SLC4A1: variants seen among roughly 807,000 people sequenced by gnomAD.
SLC4A1 encodes the protein band 3 anion transport protein.
Under a neutral mutation model 93.1 loss-of-function variants are expected in SLC4A1, and 29 were observed. That is an observed-to-expected ratio of 0.31 (90% confidence interval 0.23 to 0.42). The LOEUF (loss-of-function observed/expected upper bound fraction) is 0.42. SLC4A1 is among the 20% of genes least tolerant of loss of function. The pLI is 1.00. For missense variants in SLC4A1, 965 were observed against 1,190.1 expected, an observed-to-expected ratio of 0.81 and a Z score of 2.78; for synonymous variants, 469 against 497.2, an observed-to-expected ratio of 0.94 and a Z score of 0.76.
At chr17:44,263,872 G>A (rs946811609) in intron 1 of SLC4A1, among the ~76,000 whole-genome samples, 6 of 151,542 alleles carry the variant, frequency 4.0e-5, no homozygotes, top group Non-Finnish European at 8.8e-5. Context: ...TGGGCCCCAG[G>A]GATCCTCCTG....
Position 44,258,656 on chromosome 17 carries a change from G to T in SLC4A1, c.877-33C>A. Reference sequence around the variant, plus strand: ...CAGGAGACAGGGTCAGAGCTGCCCGGACCTGCGGAGGGAAAGGACCCAGGA... The same window carrying T: ...CAGGAGACAGGGTCAGAGCTGCCCGTACCTGCGGAGGGAAAGGACCCAGGA... On this transcript the variant is annotated intron_variant, in intron 9 of 19. Transcript: ENST00000262418. The surrounding 1 kb of genome is among the most constrained non-coding windows in gnomAD (Gnocchi z 6.1). 6.4e-7 allele frequency: 1 copy of T among 1,551,698 alleles called. No individual in the cohort carries two copies. Among genetic ancestry groups the T allele is most frequent in the South Asian group, 1.2e-5 (1 of 85,262 alleles).
Position 44,262,917 on chromosome 17 carries a change from A to G in SLC4A1, c.-51T>C, listed in dbSNP as rs537730648. On this transcript the variant is annotated 5_prime_UTR_variant, in exon 2 of 20. Transcript: ENST00000262418. ...CTACGGTGATCTGAGCCCCCAGCATAACCCGCACCGCGGGTCCCTGCAGCA... is the reference window on the plus strand; with the variant it reads ...CTACGGTGATCTGAGCCCCCAGCATGACCCGCACCGCGGGTCCCTGCAGCA... 18 of 1,613,476 alleles carry G rather than the reference A, an allele frequency of 1.1e-5. No homozygotes were observed. In the South Asian group the frequency reaches 2.0e-4, roughly 18 times the overall value.
chr17:44,248,920 T>C lies in SLC4A1; in HGVS notation c.*1538A>G, dbSNP rs1441081934. 1 of 228,226 alleles carries C rather than the reference T, an allele frequency of 4.4e-6. No homozygotes were observed. The highest frequency in any genetic ancestry group is 8.3e-6 in the Non-Finnish European group (1 of 120,292). 14.1% of individuals were successfully genotyped at this position (228,226 alleles called of 1,614,324 possible). ...TGTTGCCCAGGCTGGAGTGCAGTGG[T>C]GCAATCTTGGCTCACTGCAACCTCC... On this transcript the variant is annotated 3_prime_UTR_variant, in exon 20 of 20. Transcript: ENST00000262418.
rs375136281 is a variant in SLC4A1, at chr17:44,254,498, G to A, written c.2055C>T (p.Thr685=). The change falls in exon 16 of 20, where the codon ACC becomes ACT. Residue 685 remains threonine, a splice_region_variant and synonymous_variant. Coordinates refer to ENST00000262418, the MANE Select transcript of SLC4A1 (RefSeq NM_000342.4). ...CCAGCCCCCACCCTGTCTCTCACGT[G>A]GTGATCTGAGACTCCAGGAATATGA... The part of the protein sequence containing the change: ...FILIFLESQI[T]TLIVSKPERK... 28 of 1,583,268 alleles carry A rather than the reference G, an allele frequency of 1.8e-5. No individual in the cohort carries two copies. Among genetic ancestry groups the A allele is most frequent in the East Asian group, 6.8e-5 (3 of 43,934 alleles).
chr17:44,261,376 G>T (rs1258263090), intron 4 of SLC4A1, among the ~76,000 whole-genome samples, 199 bp downstream of exon 4: 1 of 152,220 alleles, frequency 6.6e-6, no homozygotes, highest in Admixed American at 6.5e-5. Flanking sequence ...TCTGCCCAGG[G>T]TGCTCCTGGA....
At chr17:44,255,978 TC>T in intron 13 of SLC4A1, 132 bp from the exon 14 acceptor site, 4 of 842,234 alleles carry the variant, frequency 4.7e-6, no homozygotes, top group South Asian at 4.1e-5. Context: ...CATCCATTTA[TC>T]CACCCATCCA....
intron 5 of SLC4A1, 34 bp downstream of exon 5, chr17:44,260,601 C>G: frequency 1.9e-6 from 3 of 1,614,176 alleles, no homozygotes; most frequent in Non-Finnish European, 2.5e-6. Flanking sequence ...CAATCCTCAT[C>G]TGCAGGGGGT....
Position 44,249,277 on chromosome 17 carries a change from T to G in SLC4A1, c.*1181A>C. 1 of 432,068 alleles carries G rather than the reference T, an allele frequency of 2.3e-6. No homozygotes were observed. Among genetic ancestry groups the G allele is most frequent in the Non-Finnish European group, 4.6e-6 (1 of 216,180 alleles). 26.8% of individuals were successfully genotyped at this position (432,068 alleles called of 1,614,324 possible). On this transcript the variant is annotated 3_prime_UTR_variant, in exon 20 of 20. Transcript: ENST00000262418. ...TAAAAAAATAAATTTGCCCATGTTCTTGGAGAGCCTGCTGTCTCCTACCCC... is the reference window on the plus strand; with the variant it reads ...TAAAAAAATAAATTTGCCCATGTTCGTGGAGAGCCTGCTGTCTCCTACCCC...
chr17:44,265,134 G>T (rs1391790243), intron 1 of SLC4A1, among the ~76,000 whole-genome samples: 2 of 150,364 alleles, frequency 1.3e-5, no homozygotes, highest in African/African-American at 2.5e-5. Flanking sequence ...CTGGTGGGAG[G>T]GGGTGCTGAG....
chr17:44,262,512 G>C lies in SLC4A1; in HGVS notation c.106+124C>G, dbSNP rs1447575862. 3 of 712,188 alleles carry C rather than the reference G, an allele frequency of 4.2e-6. No homozygotes were observed. The East Asian group carries it at 8.1e-5, about 19-fold the overall frequency. 44.1% of individuals were successfully genotyped at this position (712,188 alleles called of 1,614,324 possible). ...GTTTATCCTTCAATCAGCCAGAATT[G>C]AGGGGAGAACGGCCCGTGGTGCTTG... On this transcript the variant is annotated intron_variant, in intron 3 of 19. Coordinates refer to ENST00000262418, the MANE Select transcript of SLC4A1 (RefSeq NM_000342.4).
intron 2 of SLC4A1, 21 bp downstream of exon 2, chr17:44,262,831 C>G (rs756292696): frequency 3.0e-5 from 48 of 1,613,150 alleles, no homozygotes; most frequent in Middle Eastern, 3.3e-4. Context: ...GGGAGCACTG[C>G]TGATGCCAGG....
chr17:44,265,319 G>A (rs1209742222), intron 1 of SLC4A1, among the ~76,000 whole-genome samples: 1 of 152,116 alleles, frequency 6.6e-6, no homozygotes, highest in East Asian at 1.9e-4. Flanking sequence ...GCAGCACTCG[G>A]GGGTGGAGTC....
Position 44,255,303 on chromosome 17 carries a change from G to A in SLC4A1, c.1801-7C>T. The A allele has an allele frequency of 1.3e-6, 2 of 1,551,456 alleles. No individual in the cohort carries two copies. The highest frequency in any genetic ancestry group is 1.7e-6 in the Non-Finnish European group (2 of 1,146,292). ...CCCCGATGACCCGACGCAGCTGGGG[G>A]CAGGTGAAAGGACCAGTGGTCAGTG... On this transcript the variant is annotated splice_region_variant and splice_polypyrimidine_tract_variant and intron_variant, in intron 14 of 19. Coordinates refer to ENST00000262418, the MANE Select transcript of SLC4A1 (RefSeq NM_000342.4).
At position 44,250,421 on chromosome 17, in the gene SLC4A1, G is replaced by C; in HGVS notation, c.*37C>G. On this transcript the variant is annotated 3_prime_UTR_variant, in exon 20 of 20. Coordinates refer to ENST00000262418, the MANE Select transcript of SLC4A1 (RefSeq NM_000342.4). ...CTTTTCCTTGGAAGGTGGGGATGTG[G>C]AATGGTGGGGGAGGGTCTAGGGCCT... is the stretch of plus-strand genomic sequence containing the variant. 4.6e-6 allele frequency: 7 copies of C among 1,522,330 alleles called. No individual in the cohort carries two copies. Among genetic ancestry groups the C allele is most frequent in the Non-Finnish European group, 6.4e-6 (7 of 1,096,964 alleles). The allele number at this position is 1,522,330 out of a possible 1,614,324, so 94.3% of individuals were successfully genotyped here.
Position 44,259,179 on chromosome 17 carries a change from G to T in SLC4A1, c.860C>A (p.Thr287Asn), listed in dbSNP as rs1285629503. The T allele has an allele frequency of 6.2e-7, 1 of 1,614,026 alleles. No homozygotes were observed. The highest frequency in any genetic ancestry group is 1.1e-5 in the South Asian group (1 of 91,076). ...CTTCCTTACCCTCTCTGACATGAGG[G>T]TGGCAGCAGCCCGGCCAAGCTGGGT... ...DYTQLGRAAA[T>N]LMSERVFRID... Residue 287 changes from threonine to asparagine, a missense_variant, in exon 9 of 20, where the codon ACC becomes AAC. Thr to Asn is a moderately conservative substitution (Grantham distance 65, BLOSUM62 0). This residue lies in a region of SLC4A1 where 770 missense variants were observed against 1,006.6 expected (regional missense o/e 0.76). Transcript: ENST00000262418.
rs760578317 is a variant in SLC4A1, at chr17:44,255,247, A to G, written c.1850T>C (p.Met617Thr). ...CTGAATGAAGAAATCCACCAGGACC[A>G]TGATCAGGATGGAGATGGGGACCCC... ...DFGVPISILI[M>T]VLVDFFIQDT... is the part of the protein sequence containing the mutation. Residue 617 changes from methionine to threonine, a missense_variant, in exon 15 of 20, where the codon ATG becomes ACG. Around this residue, in one of 2 missense-constraint regions of SLC4A1, gnomAD observed 770 missense variants for 1,006.6 expected, o/e 0.76. Transcript: ENST00000262418. 1.3e-6 allele frequency: 2 copies of G among 1,558,590 alleles called. No individual in the cohort carries two copies. Among genetic ancestry groups the G allele is most frequent in the South Asian group, 1.2e-5 (1 of 84,564 alleles).
chr17:44,261,040 G>A (rs747028492), intron 4 of SLC4A1, among the ~76,000 whole-genome samples: 3 of 152,158 alleles, frequency 2.0e-5, no homozygotes, highest in Non-Finnish European at 2.9e-5. Context: ...TGCTGGAGAG[G>A]CCACTGGGGA....
At chr17:44,263,760 C>T (rs2047472285) in intron 1 of SLC4A1, among the ~76,000 whole-genome samples, 2 of 150,134 alleles carry the variant, frequency 1.3e-5, no homozygotes, top group South Asian at 4.2e-4. Context: ...TTCCTTCCTT[C>T]CTTCCTCTCT....
intron 16 of SLC4A1, 31 bp downstream of exon 16, chr17:44,254,463 CCT>C: frequency 6.1e-6 from 8 of 1,318,268 alleles, no homozygotes; most frequent in Non-Finnish European, 7.6e-6. Context: ...TGCCTCCCAC[CCT>C]CCCAGGCCCA....
Sources: gnomAD v4.1 joint callset for allele counts (sites outside exome capture counted in the v4.1 genomes callset) on GRCh38, gnomAD v4.1.1 for gene constraint, gnomAD v4.1.1 regional missense constraint, Gnocchi (gnomAD v3.1) non-coding constraint, MANE v1.5 for transcripts, NCBI Gene and HGNC (gene_info 2026-07-23, HGNC 2026-07-21) for gene names.